LARP1: variants seen among roughly 807,000 people sequenced by gnomAD.
LARP1 encodes the protein La ribonucleoprotein 1, translational regulator.
A neutral mutation model predicts 122.7 loss-of-function variants in LARP1; 36 were observed. The observed-to-expected ratio is 0.29, with a 90% CI of 0.22 to 0.39. The LOEUF is 0.39. Ranked by LOEUF, LARP1 falls within the 10% of genes least tolerant of loss-of-function variation. The pLI is 1.00. For synonymous variants in LARP1, 539 were observed against 528.7 expected (o/e 1.02, Z -0.27); for missense variants, 1,040 against 1,403.6 (o/e 0.74, Z 4.14).
chr5:154,713,154 C>G, intron 1 of LARP1: 1 of 1,595,224 alleles, frequency 6.3e-7, no homozygotes, highest in Non-Finnish European at 8.6e-7. Context: ...CTCTGCGTTT[C>G]TTGAACCTCA....
chr5:154,759,986 T>A (rs569666085), intron 1 of LARP1, among the ~76,000 whole-genome samples: 1 of 152,242 alleles, frequency 6.6e-6, no homozygotes, highest in South Asian at 2.1e-4. Context: ...GTCGCCCAGA[T>A]TGGAGTGCAG....
chr5:154,777,282 G>A (rs1048207485), intron 1 of LARP1, among the ~76,000 whole-genome samples: 6 of 152,048 alleles, frequency 3.9e-5, no homozygotes, highest in Admixed American at 2.0e-4. Flanking sequence ...AGGTTGAGGC[G>A]GGTAGATCGC....
At chr5:154,809,699 CTTTT>C (rs773095772) in intron 16 of LARP1, among the ~76,000 whole-genome samples, 3 of 134,932 alleles carry the variant, frequency 2.2e-5, no homozygotes, top group African/African-American at 2.7e-5. Flanking sequence ...TATACTATTT[CTTTT>C]TTTTTTTTTT....
In LARP1 at chr5:154,803,141, C is replaced by A. The variant is rs1758477367; in HGVS notation, c.2110-149C>A. The A allele has an allele frequency of 9.9e-7, 1 of 1,010,514 alleles. No individual in the cohort carries two copies. Among genetic ancestry groups the A allele is most frequent in the Non-Finnish European group, 1.5e-6 (1 of 671,504 alleles). The allele number at this position is 1,010,514 out of a possible 1,614,324, so 62.6% of individuals were successfully genotyped here. Reference sequence around the variant, plus strand: ...AGGTAACTGGGGTGAGGAATGGTGACTGGGCAGCTGAGAGCCTGGGGACCA... The same window carrying A: ...AGGTAACTGGGGTGAGGAATGGTGAATGGGCAGCTGAGAGCCTGGGGACCA... On this transcript the variant is annotated intron_variant, in intron 11 of 18. Transcript: ENST00000518297. This position sits in a 1 kb window ranked among gnomAD's most constrained non-coding sequence, Gnocchi z 4.4.
In LARP1 at chr5:154,793,672, A is replaced by G; in HGVS notation, c.817A>G (p.Thr273Ala). Residue 273 changes from threonine to alanine, a missense_variant, in exon 5 of 19, where the codon ACT (threonine) becomes GCT (alanine). Coordinates refer to ENST00000518297, the MANE Select transcript of LARP1 (RefSeq NM_033551.3). The part of the protein sequence containing the change: ...VPREKLASRP[T>A]RPPEPRHIPA... ...CAGAGAGAAACTGGCTTCACGCCCCACTCGCCCACCGGAGCCTAGACACAT... is the reference window on the plus strand; with the variant it reads ...CAGAGAGAAACTGGCTTCACGCCCCGCTCGCCCACCGGAGCCTAGACACAT... 6.2e-7 allele frequency: 1 copy of G among 1,613,902 alleles called. No individual in the cohort carries two copies. Among genetic ancestry groups the G allele is most frequent in the Non-Finnish European group, 8.5e-7 (1 of 1,179,974 alleles).
upstream of LARP1, among the ~76,000 whole-genome samples, chr5:154,752,107 G>A (rs1484893887): frequency 6.6e-6 from 1 of 152,132 alleles, no homozygotes; most frequent in Non-Finnish European, 1.5e-5. Context: ...ACTATGCCCA[G>A]CCCCAGTTTC....
chr5:154,782,585 C>A (rs550978963), intron 1 of LARP1, among the ~76,000 whole-genome samples: 7 of 152,250 alleles, frequency 4.6e-5, no homozygotes, highest in Admixed American at 4.6e-4. Flanking sequence ...CTCCTCCTCC[C>A]GGGCCAAGGG....
chr5:154,749,072 A>T (rs1187568999), intron 1 of LARP1, among the ~76,000 whole-genome samples: 4 of 152,204 alleles, frequency 2.6e-5, no homozygotes, highest in African/African-American at 9.7e-5. Flanking sequence ...AGGCAGTAAG[A>T]CAGGAAGGTT....
At chr5:154,746,061 G>A (rs952477858) in intron 1 of LARP1, among the ~76,000 whole-genome samples, 3 of 152,206 alleles carry the variant, frequency 2.0e-5, no homozygotes, top group African/African-American at 4.8e-5. Flanking sequence ...GACTCCCAGA[G>A]TGCCTGGATT....
chr5:154,757,070 G>C lies in LARP1; in HGVS notation c.436+877G>C, dbSNP rs1475142301. ...CGTTCGGTGCGGGCCGCGGCGCTGG[G>C]GGTGGCAGGAGGGTGCGGGCCCGCG... On this transcript the variant is annotated intron_variant, in intron 1 of 18. Transcript: ENST00000518297. 3.4e-5 allele frequency: 5 copies of C among 148,976 alleles called. No individual in the cohort carries two copies. The East Asian group carries it at 9.9e-4, about 30-fold the overall frequency. 9.2% of individuals were successfully genotyped at this position (148,976 alleles called of 1,614,324 possible).
intron 1 of LARP1, among the ~76,000 whole-genome samples, chr5:154,717,593 C>G (rs1755587899): frequency 6.6e-6 from 1 of 152,212 alleles, no homozygotes; most frequent in African/African-American, 2.4e-5. Context: ...GTTATTCACT[C>G]TCTGTCACCA....
intron 1 of LARP1, among the ~76,000 whole-genome samples, chr5:154,774,157 C>T (rs1480285591): frequency 3.3e-5 from 5 of 152,024 alleles, no homozygotes; most frequent in Admixed American, 1.3e-4. Context: ...TGGCCTCCTC[C>T]GTCCCTTTGG....
At chr5:154,753,603 C>T (rs952870586), upstream of LARP1, among the ~76,000 whole-genome samples, 3 of 152,222 alleles carry the variant, frequency 2.0e-5, no homozygotes, top group Non-Finnish European at 2.9e-5. Context: ...AAAATTTACA[C>T]AGCACCTTGA....
chr5:154,768,566 ATTTATTTATT>A (rs1453176802), intron 1 of LARP1, among the ~76,000 whole-genome samples: 1 of 151,972 alleles, frequency 6.6e-6, no homozygotes. Flanking sequence ...CCTATTTTTT[ATTTATTTATT>A]TTTATTTATT....
At chr5:154,758,733 G>A (rs565928001) in intron 1 of LARP1, among the ~76,000 whole-genome samples, 13 of 152,326 alleles carry the variant, frequency 8.5e-5, no homozygotes, top group Non-Finnish European at 1.9e-4. Flanking sequence ...GCTTTCCAAA[G>A]CTTGCTGTAA....
intron 15 of LARP1, among the ~76,000 whole-genome samples, chr5:154,806,983 C>T (rs554597683): frequency 1.3e-5 from 2 of 152,278 alleles, no homozygotes; most frequent in Admixed American, 6.5e-5. Context: ...CTACTCCCCA[C>T]CCCCAGAATC....
chr5:154,790,393 A>T lies in LARP1; in HGVS notation c.498+7A>T. On this transcript the variant is annotated splice_region_variant and intron_variant, in intron 2 of 18. Coordinates refer to ENST00000518297, the MANE Select transcript of LARP1 (RefSeq NM_033551.3). ...ACAGCGCAAAGGCAGCAAGGTAAAG[A>T]ATAACAGTGGGCAACCCAAGGGGAC... 6.2e-7 allele frequency: 1 copy of T among 1,613,032 alleles called. No homozygotes were observed. The highest frequency in any genetic ancestry group is 8.5e-7 in the Non-Finnish European group (1 of 1,179,312).
chr5:154,790,788 C>A, intron 3 of LARP1, 78 bp downstream of exon 3: 1 of 1,235,280 alleles, frequency 8.1e-7, no homozygotes, highest in Non-Finnish European at 1.2e-6. Context: ...TTCCAGAGAG[C>A]CTCAGCTCTT....
intron 1 of LARP1, among the ~76,000 whole-genome samples, chr5:154,687,078 G>A (rs531612435): frequency 2.0e-4 from 31 of 152,228 alleles, no homozygotes; most frequent in Non-Finnish European, 3.8e-4. Context: ...GAAGATGGAC[G>A]GTGCTTCCAA....
Sources: allele counts gnomAD v4.1 joint callset (sites outside exome capture counted in the v4.1 genomes callset), GRCh38; gene constraint gnomAD v4.1.1; non-coding constraint Gnocchi (gnomAD v3.1); transcripts MANE v1.5; gene names NCBI Gene and HGNC (gene_info 2026-07-23, HGNC 2026-07-21).